The following DLGAP1 variants were observed in gnomAD, a reference collection of about 807,000 sequenced individuals.
DLGAP1 encodes the protein DLG associated protein 1.
DLGAP1 carries 11 observed loss-of-function variants against 90.8 expected under a neutral mutation model. The observed-to-expected ratio is 0.12, with a 90% CI of 0.08 to 0.20. The LOEUF is 0.20. Among genes scored for constraint, DLGAP1 ranks in the 10% least tolerant of loss-of-function variants. The probability of loss-of-function intolerance (pLI) is 1.00; values close to 1 mark genes in which losing one functional copy is unlikely to be tolerated. For synonymous variants in DLGAP1, 558 were observed against 540.7 expected, an observed-to-expected ratio of 1.03 and a Z score of -0.44; for missense variants, 1,050 against 1,333.8, an observed-to-expected ratio of 0.79 and a Z score of 3.31.
chr18:4,395,200 T>C (rs2082414239), intron 1 of DLGAP1, among the ~76,000 whole-genome samples: 1 of 152,212 alleles, frequency 6.6e-6, no homozygotes, highest in Admixed American at 6.5e-5. Flanking sequence ...GTTCACATTT[T>C]CCCCTATTGA....
intron 7 of DLGAP1, among the ~76,000 whole-genome samples, chr18:3,625,566 G>C (rs1360406101): frequency 6.6e-6 from 1 of 152,150 alleles, no homozygotes; most frequent in Non-Finnish European, 1.5e-5. Flanking sequence ...TAAACCCAAA[G>C]CATGCCTTTT....
intron 3 of DLGAP1, among the ~76,000 whole-genome samples, chr18:3,898,626 G>A (rs2071711602): frequency 1.3e-5 from 2 of 152,104 alleles, no homozygotes. Context: ...TGGGGATGGG[G>A]GTGGCAAGCT....
At chr18:4,164,141 C>A (rs9783905) in intron 1 of DLGAP1, among the ~76,000 whole-genome samples, 1 of 151,966 alleles carries the variant, frequency 6.6e-6, no homozygotes, top group African/African-American at 2.4e-5. Context: ...AGAACCTGCA[C>A]GCTAAACATA....
intron 7 of DLGAP1, among the ~76,000 whole-genome samples, chr18:3,668,462 C>T (rs2059958855): frequency 6.6e-6 from 1 of 152,244 alleles, no homozygotes; most frequent in South Asian, 2.1e-4. Flanking sequence ...CAGGCACATG[C>T]CACCACACCC....
intron 4 of DLGAP1, chr18:3,845,389 G>T (rs1194649916): frequency 1.4e-6 from 2 of 1,434,888 alleles, no homozygotes; most frequent in South Asian, 1.6e-5. Context: ...ACAGGACTTG[G>T]GGGTGGGGGG....
chr18:4,175,544 G>T (rs892917613), intron 1 of DLGAP1, among the ~76,000 whole-genome samples: 2 of 152,006 alleles, frequency 1.3e-5, no homozygotes, highest in Non-Finnish European at 2.9e-5. Context: ...GGTTTTTATG[G>T]TTTTTGCTAT....
At chr18:4,424,541 T>C (rs915501368) in intron 1 of DLGAP1, among the ~76,000 whole-genome samples, 3 of 152,174 alleles carry the variant, frequency 2.0e-5, no homozygotes, top group Non-Finnish European at 2.9e-5. Flanking sequence ...AAGGGGACCA[T>C]TAATACTTTC....
At chr18:4,311,461 A>G (rs2080394860) in intron 1 of DLGAP1, among the ~76,000 whole-genome samples, 1 of 152,206 alleles carries the variant, frequency 6.6e-6, no homozygotes, top group Admixed American at 6.6e-5. Flanking sequence ...TGAGAATAAC[A>G]TTTGTGAAAT....
At chr18:3,850,611 G>A (rs1435576185) in intron 4 of DLGAP1, among the ~76,000 whole-genome samples, 1 of 152,182 alleles carries the variant, frequency 6.6e-6, no homozygotes, top group Non-Finnish European at 1.5e-5. Flanking sequence ...TAAAAGAAAC[G>A]GTGGTGGCAA....
intron 1 of DLGAP1, among the ~76,000 whole-genome samples, chr18:4,391,008 T>A (rs953870096): frequency 4.6e-5 from 7 of 152,184 alleles, no homozygotes; most frequent in African/African-American, 1.4e-4. Flanking sequence ...TTAAACACAC[T>A]GTTACCTGAA....
chr18:3,839,769 G>C (rs1394473362), intron 4 of DLGAP1, among the ~76,000 whole-genome samples: 1 of 152,210 alleles, frequency 6.6e-6, no homozygotes, highest in Non-Finnish European at 1.5e-5. Flanking sequence ...GAGAACAATA[G>C]AAAACAGCTC....
Position 3,498,960 on chromosome 18 carries a change from G to A in DLGAP1, c.*225C>T. On this transcript the variant is annotated 3_prime_UTR_variant, in exon 13 of 13. Transcript: ENST00000315677. The stretch of plus-strand genomic sequence containing the variant: ...GAGGCAGGGCGACGGCATCAGGACA[G>A]GGGGCGAAGCTCGGTGAAGAAGGAG... The A allele has an allele frequency of 1.8e-6, 1 of 557,278 alleles. No homozygotes were observed. The highest frequency in any genetic ancestry group is 3.4e-5 in the Admixed American group (1 of 29,838). The allele number at this position is 557,278 out of a possible 1,614,324, so 34.5% of individuals were successfully genotyped here. A position where few individuals can be genotyped will look rare whatever the true frequency, so the allele number is the denominator to read the frequency against.
rs144839058 is a variant in DLGAP1, at chr18:3,916,935, T to C, written c.-72-36795A>G. Among the ~76,000 whole-genome samples the C allele has an allele frequency of 9.6e-4, 146 of 152,346 alleles. 1 individual carries two copies. Among genetic ancestry groups the C allele is most frequent in the Admixed American group, 2.2e-3 (34 of 15,298 alleles). On this transcript the variant is annotated intron_variant, in intron 3 of 12. Transcript: ENST00000315677. ...GTTTGGTGTAGGATTTTTTTGACTT[T>C]ACGATGGTGCAAAAGCAATACACAT...
chr18:4,421,769 C>T (rs558252845), intron 1 of DLGAP1, among the ~76,000 whole-genome samples: 3 of 152,056 alleles, frequency 2.0e-5, no homozygotes, highest in African/African-American at 2.4e-5. Context: ...AGTGCAGTAG[C>T]GGGATCTTGG....
chr18:3,575,477 A>C (rs1357735606), intron 8 of DLGAP1, among the ~76,000 whole-genome samples: 1 of 152,224 alleles, frequency 6.6e-6, no homozygotes, highest in African/African-American at 2.4e-5. Flanking sequence ...AAGGTAGTAC[A>C]TGAAACTCAT....
intron 10 of DLGAP1, among the ~76,000 whole-genome samples, chr18:3,523,737 CA>C (rs2051405142): frequency 1.3e-5 from 2 of 151,652 alleles, no homozygotes; most frequent in Admixed American, 6.6e-5. Flanking sequence ...GTCCCAGCTA[CA>C]CTGGGAGGCT....
chr18:3,991,646 C>G (rs1049244698), intron 3 of DLGAP1, among the ~76,000 whole-genome samples: 1 of 152,204 alleles, frequency 6.6e-6, no homozygotes, highest in Non-Finnish European at 1.5e-5. Flanking sequence ...CTCCCCAGAG[C>G]TATGCCTGAT....
At chr18:4,046,275 G>GAT (rs2075052784) in intron 2 of DLGAP1, among the ~76,000 whole-genome samples, 1 of 152,144 alleles carries the variant, frequency 6.6e-6, no homozygotes, top group African/African-American at 2.4e-5. Flanking sequence ...TTGCATAATA[G>GAT]ATTGCAAAAT....
intron 7 of DLGAP1, among the ~76,000 whole-genome samples, chr18:3,650,117 C>A (rs547456590): frequency 6.6e-6 from 1 of 152,266 alleles, no homozygotes; most frequent in South Asian, 2.1e-4. Flanking sequence ...AATCTCGGCT[C>A]ACCGCAACCT....
Sources: gnomAD v4.1 joint callset for allele counts (sites outside exome capture counted in the v4.1 genomes callset) on GRCh38, gnomAD v4.1.1 for gene constraint, MANE v1.5 for transcripts, NCBI Gene and HGNC (gene_info 2026-07-23, HGNC 2026-07-21) for gene names.